The following PECR variants were observed in gnomAD, a reference collection of about 807,000 sequenced individuals.
PECR encodes the protein peroxisomal trans-2-enoyl-CoA reductase.
Under a neutral mutation model 35.3 loss-of-function variants are expected in PECR, and 30 were observed. That is an observed-to-expected ratio of 0.85 (90% confidence interval 0.64 to 1.15). The LOEUF (loss-of-function observed/expected upper bound fraction) is 1.15, where lower values mean the gene tolerates loss of function less well. Among genes scored for constraint, PECR ranks in the 50% most tolerant of loss-of-function variants. The probability of loss-of-function intolerance (pLI) is 0.00; values close to 1 mark genes in which losing one functional copy is unlikely to be tolerated. For missense variants in PECR, 392 were observed against 370.8 expected (o/e 1.06, Z -0.47); for synonymous variants, 148 against 138.9 (o/e 1.07, Z -0.46).
chr2:216,036,709 T>C (rs894342620), downstream of PECR, among the ~76,000 whole-genome samples: 6 of 152,218 alleles, frequency 3.9e-5, no homozygotes, highest in African/African-American at 1.2e-4. Context: ...CCTTGCAGCA[T>C]GGTCTGAAGG....
chr2:216,076,868 A>G (rs1407539920), intron 1 of PECR, among the ~76,000 whole-genome samples: 7 of 151,962 alleles, frequency 4.6e-5, no homozygotes, highest in South Asian at 4.1e-4. Context: ...ATTGGGAAAA[A>G]TAGAATTCTA....
chr2:216,062,971 A>G (rs1319726313), intron 3 of PECR, among the ~76,000 whole-genome samples: 5 of 152,232 alleles, frequency 3.3e-5, no homozygotes, highest in African/African-American at 1.2e-4. Flanking sequence ...TGATGTTCAT[A>G]CAACAATGAA....
chr2:216,043,020 C>CGT (rs1694919943), intron 7 of PECR, among the ~76,000 whole-genome samples: 6 of 138,716 alleles, frequency 4.3e-5, no homozygotes, highest in Non-Finnish European at 9.6e-5. Flanking sequence ...TATATATACA[C>CGT]ATACGTATAT....
chr2:216,075,320 C>A (rs1695677053), intron 1 of PECR, among the ~76,000 whole-genome samples: 1 of 151,846 alleles, frequency 6.6e-6, no homozygotes, highest in Middle Eastern at 3.2e-3. Flanking sequence ...GGAAAAAAAA[C>A]CATTACAGAG....
chr2:216,066,562 G>A (rs754242572), intron 1 of PECR, 44 bp from the exon 2 acceptor site: 71 of 1,589,564 alleles, frequency 4.5e-5, no homozygotes, highest in Non-Finnish European at 5.9e-5. Context: ...GCCTTCATGG[G>A]ATGCAATGAC....
chr2:216,029,965 C>G (rs539473904), intron 7 of PECR, among the ~76,000 whole-genome samples: 1 of 152,296 alleles, frequency 6.6e-6, no homozygotes, highest in South Asian at 2.1e-4. Flanking sequence ...TCATGGTGGT[C>G]ACATGGGCTT....
chr2:216,059,019 T>A, intron 3 of PECR, 43 bp from the exon 4 acceptor site: 1 of 1,107,414 alleles, frequency 9.0e-7, no homozygotes, highest in Non-Finnish European at 1.4e-6. Context: ...TTTTAAAGTA[T>A]CCTGGCCCTC....
intron 1 of PECR, among the ~76,000 whole-genome samples, chr2:216,074,525 GAAGGAAGGAAGGAAGA>G (rs1308122726): frequency 2.1e-4 from 27 of 126,790 alleles, no homozygotes; most frequent in African/African-American, 1.1e-3. Context: ...AGGAAGGAAG[GAAGGAAGGAAGGAAGA>G]AAGGAAGGAA....
At chr2:216,066,657 G>T in intron 1 of PECR, 139 bp from the exon 2 acceptor site, 1 of 768,070 alleles carries the variant, frequency 1.3e-6, no homozygotes, top group Non-Finnish European at 2.3e-6. Context: ...TAATAATATT[G>T]AAAAAATATA....
chr2:216,052,481 T>C (rs920166326), intron 4 of PECR, among the ~76,000 whole-genome samples: 3 of 152,272 alleles, frequency 2.0e-5, no homozygotes, highest in African/African-American at 7.2e-5. Flanking sequence ...TTGAAAGATA[T>C]TTCAATGGAT....
chr2:216,047,688 T>A (rs150753822), intron 6 of PECR, among the ~76,000 whole-genome samples: 1 of 152,264 alleles, frequency 6.6e-6, no homozygotes, highest in African/African-American at 2.4e-5. Flanking sequence ...TATAGCTTCA[T>A]GGTTTCATTA....
At chr2:216,079,117 G>C (rs1695770703) in intron 1 of PECR, among the ~76,000 whole-genome samples, 1 of 150,572 alleles carries the variant, frequency 6.6e-6, no homozygotes, top group South Asian at 2.1e-4. Context: ...ATGGTGATGA[G>C]GTTACATCAT....
chr2:216,058,673 A>G (rs1695276471), intron 4 of PECR, among the ~76,000 whole-genome samples: 1 of 152,090 alleles, frequency 6.6e-6, no homozygotes, highest in South Asian at 2.1e-4. Context: ...AACAAATACT[A>G]TTTTCCCTTT....
rs753155192 is a variant in PECR at position 216,051,453 on chromosome 2, G to T, written c.599C>A (p.Ala200Asp). The T allele has an allele frequency of 1.6e-5, 26 of 1,586,082 alleles. No homozygotes were observed. Among genetic ancestry groups the T allele is most frequent in the Admixed American group, 1.5e-4 (9 of 59,960 alleles). ...ACSGIRINCV[A>D]PGVIYSQTAV... ...CAATATAGATCGTTTACCTACAGGG[G>T]CAACACAATTGATCCGTATTCCACT... Residue 200 changes from alanine (A) to aspartate (D), a missense_variant, in exon 5 of 8, where the codon GCC becomes GAC. Physicochemically the swap from Ala to Asp is moderately radical, Grantham distance 126. Coordinates refer to ENST00000265322, the MANE Select transcript of PECR (RefSeq NM_018441.6).
rs761668548 is a variant in PECR, at chr2:216,049,306, G to C, written c.671C>G (p.Ser224Cys). ...GSWGQSFFEGSFQKIPAKRIG... is the reference protein window; with the variant it reads ...GSWGQSFFEGCFQKIPAKRIG... ...TCGTTTAGCGGGGATTTTCTGAAAAGACCCTTCAAAGAAGCTTTGTCCCCA... is the reference window on the plus strand; with the variant it reads ...TCGTTTAGCGGGGATTTTCTGAAAACACCCTTCAAAGAAGCTTTGTCCCCA... The change falls in exon 6 of 8, where the codon TCT becomes TGT. Residue 224 changes from serine to cysteine, a missense_variant. Transcript: ENST00000265322. The C allele has an allele frequency of 6.2e-7, 1 of 1,603,020 alleles. No homozygotes were observed. The highest frequency in any genetic ancestry group is 2.2e-5 in the East Asian group (1 of 44,828).
intron 4 of PECR, among the ~76,000 whole-genome samples, chr2:216,058,144 G>A (rs1559213389): frequency 6.6e-6 from 1 of 152,166 alleles, no homozygotes; most frequent in Non-Finnish European, 1.5e-5. Flanking sequence ...CACGACGGCT[G>A]CGCTCTGCCC....
At chr2:216,037,761 G>A (rs902263446), downstream of PECR, among the ~76,000 whole-genome samples, 1 of 152,054 alleles carries the variant, frequency 6.6e-6, no homozygotes, top group Admixed American at 6.6e-5. Context: ...CCAAACCCCA[G>A]AGCTTGGTAA....
At position 216,031,417 on chromosome 2, in the gene PECR, G is replaced by GAA. The variant is rs1559203756; in HGVS notation, c.*440+7772_*440+7773dup. On this transcript the variant is annotated intron_variant and NMD_transcript_variant, in intron 7 of 7. Transcript: ENST00000442122. ...GTGAGAAAGGAAGAAAGGAAGAAAG[G>GAA]AAGAAAGAAAGAAAAGAAAGAAAGA... Among the ~76,000 whole-genome samples the GAA allele has an allele frequency of 9.8e-4, 130 of 133,160 alleles. 1 individual carries two copies. Among genetic ancestry groups the GAA allele is most frequent in the Non-Finnish European group, 1.4e-3 (86 of 62,584 alleles). 87.4% of individuals were successfully genotyped at this position (133,160 alleles called of 152,430 possible).
At chr2:216,072,168 T>C (rs1695602426) in intron 1 of PECR, among the ~76,000 whole-genome samples, 1 of 152,242 alleles carries the variant, frequency 6.6e-6, no homozygotes, top group Non-Finnish European at 1.5e-5. Context: ...CACTGTATCA[T>C]AATTACCTGT....
Sources: gnomAD v4.1 joint callset for allele counts (sites outside exome capture counted in the v4.1 genomes callset) on GRCh38, gnomAD v4.1.1 for gene constraint, MANE v1.5 for transcripts, NCBI Gene and HGNC (gene_info 2026-07-23, HGNC 2026-07-21) for gene names.